The following TRERF1 variants were observed in gnomAD, a reference collection of about 807,000 sequenced individuals.
TRERF1 encodes transcriptional regulating factor 1.
In TRERF1, 27 loss-of-function variants were observed where a neutral mutation model predicts 122.9. The ratio of observed to expected loss-of-function variants is 0.22; its 90% confidence interval spans 0.16 to 0.30. The LOEUF (loss-of-function observed/expected upper bound fraction) is 0.30. TRERF1 is among the 10% of genes least tolerant of loss of function. The pLI is 1.00. For synonymous variants in TRERF1, 636 were observed against 641.7 expected, an observed-to-expected ratio of 0.99 and a Z score of 0.13; for missense variants, 1,248 against 1,560.3, an observed-to-expected ratio of 0.80 and a Z score of 3.37.
At chr6:42,278,439 A>C (rs1781689764) in intron 4 of TRERF1, among the ~76,000 whole-genome samples, 1 of 152,246 alleles carries the variant, frequency 6.6e-6, no homozygotes, top group Non-Finnish European at 1.5e-5. Flanking sequence ...TGATAAAGTC[A>C]GCTACAGCCT....
intron 3 of TRERF1, among the ~76,000 whole-genome samples, chr6:42,354,599 A>C (rs1313961928): frequency 6.6e-6 from 1 of 152,128 alleles, no homozygotes; most frequent in Non-Finnish European, 1.5e-5. Flanking sequence ...CATCAGAATT[A>C]TTTATTGAAT....
At chr6:42,363,695 G>GGGCTCCA (rs1772206479) in intron 2 of TRERF1, among the ~76,000 whole-genome samples, 1 of 152,186 alleles carries the variant, frequency 6.6e-6, no homozygotes, top group African/African-American at 2.4e-5. Context: ...TACTGAAGTA[G>GGGCTCCA]GATGGGGGTT....
At chr6:42,274,943 T>C (rs151113397) in intron 4 of TRERF1, among the ~76,000 whole-genome samples, 284 of 152,120 alleles carry the variant, frequency 1.9e-3, no homozygotes, top group African/African-American at 6.3e-3. Flanking sequence ...GCGTGAAAAG[T>C]CTCCCTCCAC....
At chr6:42,260,419 A>G (rs1777622281) in intron 8 of TRERF1, among the ~76,000 whole-genome samples, 1 of 152,180 alleles carries the variant, frequency 6.6e-6, no homozygotes, top group Admixed American at 6.5e-5. Context: ...GAGTTAGTTT[A>G]TTTTAATGGC....
rs141615490 is a variant in TRERF1 at position 42,390,948 on chromosome 6, A to G, written c.-453-27869T>C. On this transcript the variant is annotated intron_variant, in intron 2 of 17. Coordinates refer to ENST00000372922, the Ensembl canonical transcript of TRERF1. ...AAGCCCTGCACTCCAGGGAGGGATCACCACTGGGAAAAGGAACTGAAAGAC... is the reference window on the plus strand; with the variant it reads ...AAGCCCTGCACTCCAGGGAGGGATCGCCACTGGGAAAAGGAACTGAAAGAC... 3.4e-3 allele frequency among the ~76,000 whole-genome samples: 525 copies of G among 152,292 alleles called. 2 individuals are homozygous for G. The highest frequency in any genetic ancestry group is 0.012 in the African/African-American group (501 of 41,558).
chr6:42,297,558 C>T (rs1319102447), intron 4 of TRERF1, among the ~76,000 whole-genome samples: 2 of 152,182 alleles, frequency 1.3e-5, no homozygotes, highest in Non-Finnish European at 2.9e-5. Flanking sequence ...ACAGAGACTG[C>T]AAGAAAACTG....
chr6:42,247,595 G>A (rs911221769), intron 13 of TRERF1, among the ~76,000 whole-genome samples: 1 of 152,200 alleles, frequency 6.6e-6, no homozygotes, highest in African/African-American at 2.4e-5. Context: ...AAGAGGGAGA[G>A]GCTTCACTGC....
At chr6:42,337,095 A>G (rs1766343835) in intron 3 of TRERF1, among the ~76,000 whole-genome samples, 1 of 152,158 alleles carries the variant, frequency 6.6e-6, no homozygotes, top group Non-Finnish European at 1.5e-5. Flanking sequence ...AGGCATGTCC[A>G]TGGGCACCCT....
intron 3 of TRERF1, among the ~76,000 whole-genome samples, chr6:42,316,101 G>A (rs536981910): frequency 6.6e-6 from 1 of 152,270 alleles, no homozygotes; most frequent in Admixed American, 6.5e-5. Context: ...CTACACAAAT[G>A]ACATTTCGAG....
At chr6:42,270,969 G>A (rs142986853) in intron 4 of TRERF1, among the ~76,000 whole-genome samples, 2,632 of 151,564 alleles carry the variant, frequency 0.017, 19 homozygotes, top group Non-Finnish European at 0.028. Context: ...GGGTTTCACC[G>A]TGTTAGCCAG....
intron 4 of TRERF1, among the ~76,000 whole-genome samples, chr6:42,287,217 C>T (rs1210199064): frequency 1.3e-5 from 2 of 148,352 alleles, no homozygotes; most frequent in African/African-American, 2.5e-5. Flanking sequence ...GGGTGCAGCG[C>T]ACCAGCATGG....
At chr6:42,259,000 G>T (rs1050442436) in intron 9 of TRERF1, among the ~76,000 whole-genome samples, 2 of 152,094 alleles carry the variant, frequency 1.3e-5, no homozygotes, top group Non-Finnish European at 2.9e-5. Context: ...CTCCGAAAAC[G>T]CTGGGATTAC....
chr6:42,254,040 C>T (rs769692634), intron 13 of TRERF1, among the ~76,000 whole-genome samples: 25 of 152,250 alleles, frequency 1.6e-4, no homozygotes, highest in Non-Finnish European at 3.5e-4. Flanking sequence ...ATGTTGACCT[C>T]AGTGTCACTG....
chr6:42,312,634 G>A (rs776645793), intron 3 of TRERF1, among the ~76,000 whole-genome samples: 1 of 152,154 alleles, frequency 6.6e-6, no homozygotes, highest in Non-Finnish European at 1.5e-5. Context: ...CTGCACCTTC[G>A]GGAGCAGATA....
chr6:42,319,177 AT>A (rs1466540941), intron 3 of TRERF1, among the ~76,000 whole-genome samples: 1 of 152,016 alleles, frequency 6.6e-6, no homozygotes, highest in East Asian at 1.9e-4. Flanking sequence ...ACTTTCCTCC[AT>A]GACATTTTCA....
chr6:42,280,959 C>T (rs1782199167), intron 4 of TRERF1, among the ~76,000 whole-genome samples: 1 of 152,170 alleles, frequency 6.6e-6, no homozygotes, highest in Non-Finnish European at 1.5e-5. Context: ...AAGTGAAATT[C>T]CCCCTCACCT....
At chr6:42,328,088 C>T (rs1161569880) in intron 3 of TRERF1, among the ~76,000 whole-genome samples, 2 of 149,134 alleles carry the variant, frequency 1.3e-5, no homozygotes, top group Non-Finnish European at 3.0e-5. Context: ...TCACTGCAAC[C>T]TCCGCCTCCC....
In TRERF1 at chr6:42,270,726, G is replaced by A. The variant is rs59504988; in HGVS notation, c.-258-878C>T. Among the ~76,000 whole-genome samples the A allele has an allele frequency of 4.4e-3, 664 of 151,592 alleles. 8 individuals carry two copies. Among genetic ancestry groups the A allele is most frequent in the African/African-American group, 0.015 (614 of 41,340 alleles). ...CTGAGGCGAGGATTACTTGAGCTAA[G>A]GAGTTCAAGACTAGCCTGGGCAACA... On this transcript the variant is annotated intron_variant, in intron 4 of 17. Transcript: ENST00000372922.
chr6:42,300,393 G>C (rs1438388474), intron 4 of TRERF1, among the ~76,000 whole-genome samples: 1 of 152,184 alleles, frequency 6.6e-6, no homozygotes, highest in African/African-American at 2.4e-5. Flanking sequence ...TCAGGAGGTG[G>C]TGGAAGAATA....
Sources: gnomAD v4.1 joint callset for allele counts (sites outside exome capture counted in the v4.1 genomes callset) on GRCh38, gnomAD v4.1.1 for gene constraint, MANE v1.5 for transcripts, NCBI Gene and HGNC (gene_info 2026-07-23, HGNC 2026-07-21) for gene names.